Variants in ZPLD1 observed in about 807,000 individuals in gnomAD.
The protein encoded by ZPLD1 is zona pellucida like domain containing 1.
Under a neutral mutation model 47.2 loss-of-function variants are expected in ZPLD1, and 34 were observed. That is an observed-to-expected ratio of 0.72 (90% confidence interval 0.55 to 0.96). The LOEUF is 0.96. Ranked by LOEUF, ZPLD1 falls within the 40% of genes least tolerant of loss-of-function variation. The pLI is 0.00. For synonymous variants in ZPLD1, 176 were observed against 186.2 expected, an observed-to-expected ratio of 0.95 and a Z score of 0.45; for missense variants, 512 against 505.8, an observed-to-expected ratio of 1.01 and a Z score of -0.12.
intron 6 of ZPLD1, among the ~76,000 whole-genome samples, chr3:102,461,192 A>G (rs147886510): frequency 1.3e-5 from 2 of 152,104 alleles, no homozygotes; most frequent in East Asian, 1.9e-4. Flanking sequence ...GTCTTTCCCA[A>G]TGATTTTAAG....
In ZPLD1 at chr3:102,456,307, G is replaced by T; in HGVS notation, c.442G>T (p.Gly148Trp). 1 of 1,613,598 alleles carries T rather than the reference G, an allele frequency of 6.2e-7. No individual in the cohort carries two copies. Among genetic ancestry groups the T allele is most frequent in the South Asian group, 1.1e-5 (1 of 91,046 alleles). Residue 148 changes from glycine (G) to tryptophan (W), a missense_variant, in exon 5 of 12, where the codon GGG (glycine) becomes TGG (tryptophan). Coordinates refer to ENST00000466937, the MANE Select transcript of ZPLD1 (RefSeq NM_001329788.2). ...DPPTIISYLP[G>W]LLYKFSCSYP... Reference sequence around the variant, plus strand: ...ACCAACAATCATCAGCTATCTACCTGGGCTTCTTTACAAATTTAGTTGTAG... The same window carrying T: ...ACCAACAATCATCAGCTATCTACCTTGGCTTCTTTACAAATTTAGTTGTAG...
chr3:102,398,917 C>G (rs1015881374), intron 7 of ZPLD1, among the ~76,000 whole-genome samples: 13 of 152,108 alleles, frequency 8.5e-5, no homozygotes, highest in Non-Finnish European at 1.3e-4. Context: ...CACGCACACA[C>G]TTTTATTTAT....
At chr3:102,438,458 A>G (rs1214561085) in intron 2 of ZPLD1, 22 bp from the exon 3 acceptor site, 11 of 1,569,570 alleles carry the variant, frequency 7.0e-6, no homozygotes, top group Middle Eastern at 3.3e-4. Context: ...GAGTGTCCAC[A>G]TGATAGATAT....
chr3:102,463,158 C>T (rs79062648), intron 7 of ZPLD1, among the ~76,000 whole-genome samples: 1,810 of 152,022 alleles, frequency 0.012, 33 homozygotes, highest in African/African-American at 0.041. Context: ...TTTATAACAT[C>T]GGAGTTGGAA....
chr3:102,452,687 C>T (rs1012728757), intron 3 of ZPLD1, among the ~76,000 whole-genome samples: 31 of 152,224 alleles, frequency 2.0e-4, no homozygotes, highest in African/African-American at 7.5e-4. Flanking sequence ...CACAAGGAAA[C>T]AGAGGTGAAC....
intron 3 of ZPLD1, among the ~76,000 whole-genome samples, chr3:102,444,987 C>T (rs1249667223): frequency 6.6e-6 from 1 of 152,188 alleles, no homozygotes; most frequent in Non-Finnish European, 1.5e-5. Context: ...GTCACACATG[C>T]TCAGGAAAGG....
rs1232786866 is a variant in ZPLD1, at chr3:102,479,636, T to C, written c.*2018T>C. ...ATAATGAGATAAACCAGGTCTGTTT[T>C]TTACAACTTTGTTCTTATAAATCTG... On this transcript the variant is annotated 3_prime_UTR_variant, in exon 12 of 12. Transcript: ENST00000466937. 4.6e-5 allele frequency: 7 copies of C among 152,196 alleles called. No individual in the cohort carries two copies. The highest frequency in any genetic ancestry group is 1.4e-4 in the African/African-American group (6 of 41,458). 9.4% of individuals were successfully genotyped at this position (152,196 alleles called of 1,614,324 possible). A position where few individuals can be genotyped will look rare whatever the true frequency, so the allele number is the denominator to read the frequency against.
intron 7 of ZPLD1, chr3:102,418,035 T>C (rs1159195991): frequency 6.6e-6 from 1 of 152,146 alleles, no homozygotes; most frequent in African/African-American, 2.4e-5. Flanking sequence ...TAAAATTCAG[T>C]TTTTTCTTTC....
intron 6 of ZPLD1, among the ~76,000 whole-genome samples, chr3:102,461,411 C>T (rs1340195925): frequency 6.6e-6 from 1 of 151,854 alleles, no homozygotes; most frequent in East Asian, 1.9e-4. Context: ...ATGCTTTAAT[C>T]TACTGTGGAT....
At chr3:102,405,622 T>A (rs950271254) in intron 7 of ZPLD1, among the ~76,000 whole-genome samples, 1 of 152,042 alleles carries the variant, frequency 6.6e-6, no homozygotes, top group Non-Finnish European at 1.5e-5. Flanking sequence ...GGTAACTGCT[T>A]ACTCATTGTG....
At chr3:102,419,869 AT>A (rs377245145) in intron 8 of ZPLD1, among the ~76,000 whole-genome samples, 19,484 of 134,640 alleles carry the variant, frequency 0.14, 1,271 homozygotes, top group Middle Eastern at 0.21. Context: ...CAAGGAACTC[AT>A]TTTTTTTTTT....
upstream of ZPLD1, chr3:102,434,919 A>G: frequency 1.7e-6 from 1 of 572,996 alleles, no homozygotes; most frequent in Non-Finnish European, 3.1e-6. Context: ...CTAAACCTTT[A>G]TAACCAGATC....
intron 3 of ZPLD1, among the ~76,000 whole-genome samples, chr3:102,439,636 C>T (rs181794891): frequency 2.0e-5 from 3 of 152,240 alleles, no homozygotes; most frequent in East Asian, 1.9e-4. Context: ...AAAGAGCACT[C>T]ATATTGATTA....
intron 7 of ZPLD1, among the ~76,000 whole-genome samples, chr3:102,393,253 A>T (rs1224327966): frequency 1.3e-5 from 2 of 152,176 alleles, no homozygotes; most frequent in African/African-American, 4.8e-5. Context: ...GTCAAAGCCA[A>T]CTACCGGCCC....
chr3:102,453,415 C>T (rs542015807), intron 4 of ZPLD1, among the ~76,000 whole-genome samples: 1 of 152,272 alleles, frequency 6.6e-6, no homozygotes, highest in East Asian at 1.9e-4. Context: ...ACGGATCTGT[C>T]TCTACAGTTT....
At chr3:102,437,932 C>G (rs1365153325) in intron 2 of ZPLD1, among the ~76,000 whole-genome samples, 1 of 152,126 alleles carries the variant, frequency 6.6e-6, no homozygotes, top group Non-Finnish European at 1.5e-5. Flanking sequence ...GACACACAAA[C>G]CATTGATTTT....
chr3:102,473,919 G>A (rs1243420749), intron 10 of ZPLD1, among the ~76,000 whole-genome samples: 3 of 152,010 alleles, frequency 2.0e-5, no homozygotes, highest in Admixed American at 6.6e-5. Context: ...CCAATTTCAG[G>A]CTTGATTTGC....
chr3:102,396,972 G>A (rs1395798871), intron 7 of ZPLD1, among the ~76,000 whole-genome samples: 1 of 152,110 alleles, frequency 6.6e-6, no homozygotes, highest in African/African-American at 2.4e-5. Context: ...TATGGCATAG[G>A]TTTGCAGTGA....
At chr3:102,463,224 A>G (rs1559759752) in intron 7 of ZPLD1, among the ~76,000 whole-genome samples, 1 of 152,180 alleles carries the variant, frequency 6.6e-6, no homozygotes, top group Non-Finnish European at 1.5e-5. Flanking sequence ...GGCTGTGGAT[A>G]TGTATGTGCC....
Sources: allele counts gnomAD v4.1 joint callset (sites outside exome capture counted in the v4.1 genomes callset), GRCh38; gene constraint gnomAD v4.1.1; transcripts MANE v1.5; gene names NCBI Gene and HGNC (gene_info 2026-07-23, HGNC 2026-07-21).